Variants in ANKS1B observed in about 807,000 individuals in gnomAD.
ANKS1B encodes the protein ankyrin repeat and sterile alpha motif domain-containing protein 1B.
A neutral mutation model predicts 148.3 loss-of-function variants in ANKS1B; 36 were observed. That is an observed-to-expected ratio of 0.24 (90% CI 0.19 to 0.32). The LOEUF is 0.32. Ranked by LOEUF, ANKS1B falls within the 10% of genes least tolerant of loss-of-function variation. ANKS1B has a pLI of 1.00. For synonymous variants in ANKS1B, 542 were observed against 560.8 expected, an observed-to-expected ratio of 0.97 and a Z score of 0.47; for missense variants, 1,157 against 1,542.6, an observed-to-expected ratio of 0.75 and a Z score of 4.19.
chr12:98,773,236 A>G (rs2098616117), intron 24 of ANKS1B, 57 bp from the exon 25 acceptor site: 1 of 1,530,538 alleles, frequency 6.5e-7, no homozygotes, highest in Admixed American at 2.1e-5. Context: ...CATATATGAC[A>G]ACCAAGACAA....
chr12:99,463,507 G>A (rs12316872), intron 10 of ANKS1B, among the ~76,000 whole-genome samples: 5 of 152,186 alleles, frequency 3.3e-5, no homozygotes, highest in African/African-American at 1.2e-4. Context: ...CTTGGGAAGT[G>A]CAAGGGGGCA....
At chr12:98,875,926 G>T (rs1460005788) in intron 17 of ANKS1B, among the ~76,000 whole-genome samples, 1 of 151,984 alleles carries the variant, frequency 6.6e-6, no homozygotes, top group Non-Finnish European at 1.5e-5. Flanking sequence ...CCTGTTGGCC[G>T]GTGGCTCTTG....
intron 17 of ANKS1B, among the ~76,000 whole-genome samples, chr12:99,008,214 T>G (rs957268986): frequency 6.6e-6 from 1 of 152,184 alleles, no homozygotes; most frequent in African/African-American, 2.4e-5. Flanking sequence ...TTATACCCTA[T>G]TATAATGATA....
In ANKS1B at chr12:99,358,634, C is replaced by G. The variant is rs148228958; in HGVS notation, c.1756+40997G>C. 2.4e-3 allele frequency among the ~76,000 whole-genome samples: 364 copies of G among 152,122 alleles called. 3 individuals are homozygous for G. The highest frequency in any genetic ancestry group is 8.3e-3 in the African/African-American group (344 of 41,496). On this transcript the variant is annotated intron_variant, in intron 12 of 26. Transcript: ENST00000683438. ...TGGTAAGTTTAACACATTCTAGTAT[C>G]TTGCCGGGAAAAGTTCCTGCCTGCC...
At chr12:99,104,975 C>T (rs1425000128) in intron 15 of ANKS1B, 1 of 152,240 alleles carries the variant, frequency 6.6e-6, no homozygotes, top group East Asian at 1.9e-4. Flanking sequence ...CAGCACCTGG[C>T]ATACAGTAGA....
intron 17 of ANKS1B, among the ~76,000 whole-genome samples, chr12:98,925,726 G>C (rs182960049): frequency 6.6e-6 from 1 of 152,150 alleles, no homozygotes; most frequent in Non-Finnish European, 1.5e-5. Context: ...GCCACTGGAG[G>C]GGACAGGTCA....
chr12:99,941,232 C>CTTCTGTCTTCAGT (rs1336916832), intron 1 of ANKS1B, among the ~76,000 whole-genome samples: 1 of 151,944 alleles, frequency 6.6e-6, no homozygotes, highest in African/African-American at 2.4e-5. Flanking sequence ...GACAGAAGAC[C>CTTCTGTCTTCAGT]TTGAAAAGTC....
chr12:99,777,070 G>A (rs2063727726), intron 6 of ANKS1B, among the ~76,000 whole-genome samples: 1 of 152,196 alleles, frequency 6.6e-6, no homozygotes, highest in Non-Finnish European at 1.5e-5. Context: ...TACAAAGCAT[G>A]TGTGCTATCT....
At chr12:99,099,640 G>C (rs2057380324) in intron 15 of ANKS1B, among the ~76,000 whole-genome samples, 1 of 152,080 alleles carries the variant, frequency 6.6e-6, no homozygotes, top group Admixed American at 6.5e-5. Flanking sequence ...GGCATCCTTT[G>C]GATAAAAACA....
chr12:99,528,715 A>AT (rs2096956367), intron 9 of ANKS1B, among the ~76,000 whole-genome samples: 1 of 152,296 alleles, frequency 6.6e-6, no homozygotes, highest in African/African-American at 2.4e-5. Context: ...CTACTCAGTA[A>AT]TTTTTAAAAT....
intron 17 of ANKS1B, among the ~76,000 whole-genome samples, chr12:98,922,831 T>C (rs2099803293): frequency 6.6e-6 from 1 of 152,208 alleles, no homozygotes. Context: ...TGCATACACA[T>C]GTAATTTCTG....
At chr12:99,058,780 C>G (rs1158167780) in intron 16 of ANKS1B, among the ~76,000 whole-genome samples, 1 of 138,318 alleles carries the variant, frequency 7.2e-6, no homozygotes, top group Non-Finnish European at 1.5e-5. Flanking sequence ...CTCTGTCGCC[C>G]AGGCTGGAGT....
intron 4 of ANKS1B, among the ~76,000 whole-genome samples, chr12:99,786,453 A>G (rs10732663): frequency 0.66 from 100,891 of 151,906 alleles, 33,698 homozygotes; most frequent in African/African-American, 0.72. Flanking sequence ...AGGGACCCCT[A>G]CAAAACTCTA....
chr12:99,157,232 T>C (rs2076158905), intron 14 of ANKS1B, among the ~76,000 whole-genome samples: 1 of 152,202 alleles, frequency 6.6e-6, no homozygotes, highest in South Asian at 2.1e-4. Flanking sequence ...GCTCTAAAGC[T>C]GTTACAAGGT....
chr12:99,982,130 C>T (rs2095711218), intron 1 of ANKS1B, among the ~76,000 whole-genome samples: 3 of 151,960 alleles, frequency 2.0e-5, no homozygotes, highest in Admixed American at 6.6e-5. Context: ...CAACTTGGTT[C>T]GAAGTACTCT....
intron 8 of ANKS1B, among the ~76,000 whole-genome samples, chr12:99,666,484 T>C (rs1400852953): frequency 6.6e-6 from 1 of 152,264 alleles, no homozygotes; most frequent in East Asian, 1.9e-4. Context: ...TTTTATAGTC[T>C]TCAGTGTACA....
chr12:99,512,878 A>G lies in ANKS1B; in HGVS notation c.1273-8237T>C, dbSNP rs568894096. 3.3e-5 allele frequency among the ~76,000 whole-genome samples: 5 copies of G among 152,036 alleles called. No individual in the cohort carries two copies. In the East Asian group the frequency reaches 5.8e-4, roughly 18 times the overall value. On this transcript the variant is annotated intron_variant, in intron 9 of 26. Coordinates refer to ENST00000683438, the MANE Select transcript of ANKS1B (RefSeq NM_001352186.2). ...AGAACACATGGACACATGGGGGGAA[A>G]AACACACACTGGGGCCTGTCAGGGA...
At chr12:99,430,442 G>C (rs934114355) in intron 11 of ANKS1B, among the ~76,000 whole-genome samples, 11 of 152,148 alleles carry the variant, frequency 7.2e-5, no homozygotes, top group Non-Finnish European at 1.0e-4. Flanking sequence ...TTTGATGTCT[G>C]GCAAGTAAGT....
intron 16 of ANKS1B, among the ~76,000 whole-genome samples, chr12:99,054,837 G>A (rs1370160750): frequency 1.3e-5 from 2 of 152,214 alleles, no homozygotes; most frequent in African/African-American, 2.4e-5. Context: ...ATGAGCCACT[G>A]CTCCTGGCCT....
Sources: gnomAD v4.1 joint callset for allele counts (sites outside exome capture counted in the v4.1 genomes callset) on GRCh38, gnomAD v4.1.1 for gene constraint, MANE v1.5 for transcripts, NCBI Gene and HGNC (gene_info 2026-07-23, HGNC 2026-07-21) for gene names.